YAP1: variants seen among roughly 807,000 people sequenced by gnomAD.
YAP1 encodes the protein transcriptional coactivator YAP1.
In YAP1, 5 loss-of-function variants were observed where a neutral mutation model predicts 56.9. The observed-to-expected ratio is 0.09, with a 90% CI of 0.05 to 0.18. The LOEUF is 0.18. Among genes scored for constraint, YAP1 ranks in the 10% least tolerant of loss-of-function variants. YAP1 has a pLI of 1.00. For missense variants in YAP1, 539 were observed against 651.8 expected (o/e 0.83, Z 1.88); for synonymous variants, 265 against 248.1 (o/e 1.07, Z -0.64).
At chr11:102,155,726 T>C (rs1945900704) in intron 2 of YAP1, among the ~76,000 whole-genome samples, 1 of 152,240 alleles carries the variant, frequency 6.6e-6, no homozygotes, top group African/African-American at 2.4e-5. Context: ...TGTGTTGTAA[T>C]AATATTTTGG....
At position 102,143,672 on chromosome 11, in the gene YAP1, G is replaced by T. The variant is rs140746399; in HGVS notation, c.573-18784G>T. Among the ~76,000 whole-genome samples, 123 of 152,308 alleles carry T rather than the reference G, an allele frequency of 8.1e-4. 1 individual carries two copies. The highest frequency in any genetic ancestry group is 3.4e-3 in the Middle Eastern group (1 of 294). On this transcript the variant is annotated intron_variant, in intron 2 of 8. Transcript: ENST00000282441. ...ACTATTGCTAACAGCAGAACACATA[G>T]TGTAGGCATGAAAGGAAGGCTACAT... is the stretch of plus-strand genomic sequence containing the variant.
At chr11:102,111,355 C>T (rs536886847) in intron 1 of YAP1, among the ~76,000 whole-genome samples, 186 bp downstream of exon 1, 1 of 152,248 alleles carries the variant, frequency 6.6e-6, no homozygotes, top group Admixed American at 6.5e-5. Flanking sequence ...GCTCCCCACT[C>T]CTCCCAGAGT....
chr11:102,168,997 A>G (rs983147026), intron 3 of YAP1, among the ~76,000 whole-genome samples: 2 of 152,186 alleles, frequency 1.3e-5, no homozygotes, highest in Non-Finnish European at 2.9e-5. Context: ...TTAAAGTTTT[A>G]CTTTTCACCT....
At chr11:102,111,306 G>A in intron 1 of YAP1, 137 bp downstream of exon 1, 3 of 960,416 alleles carry the variant, frequency 3.1e-6, no homozygotes, top group Non-Finnish European at 4.4e-6. Context: ...GTCCCGAGGC[G>A]AAGTGGAACT....
At chr11:102,196,563 A>T (rs1053820673) in intron 4 of YAP1, among the ~76,000 whole-genome samples, 2 of 151,854 alleles carry the variant, frequency 1.3e-5, no homozygotes. Flanking sequence ...ACTGGGAGGA[A>T]GGGCAGTAGG....
intron 4 of YAP1, among the ~76,000 whole-genome samples, chr11:102,201,668 T>C (rs1337247273): frequency 1.3e-5 from 2 of 152,154 alleles, no homozygotes; most frequent in Non-Finnish European, 1.5e-5. Flanking sequence ...ACAATACATA[T>C]TAATGTTGTT....
At chr11:102,186,220 C>T (rs781260938) in intron 4 of YAP1, 89 bp downstream of exon 4, 394 of 1,412,102 alleles carry the variant, frequency 2.8e-4, no homozygotes, top group Non-Finnish European at 3.5e-4. Context: ...TAAATAAAAT[C>T]GCATTGCTTT....
At chr11:102,147,238 C>G (rs1237921662) in intron 2 of YAP1, among the ~76,000 whole-genome samples, 1 of 152,140 alleles carries the variant, frequency 6.6e-6, no homozygotes, top group Non-Finnish European at 1.5e-5. Flanking sequence ...TGTGCTTTAG[C>G]TGCATTTTTT....
intron 3 of YAP1, among the ~76,000 whole-genome samples, chr11:102,179,376 G>A (rs769826082): frequency 5.0e-4 from 76 of 152,122 alleles, no homozygotes; most frequent in Non-Finnish European, 9.1e-4. Flanking sequence ...CCAATCTAGA[G>A]GTTGTCATGA....
rs2135737928 is a variant in YAP1 at position 102,232,309 on chromosome 11, C to G, written c.*2369C>G. 1 of 151,544 alleles carries G rather than the reference C, an allele frequency of 6.6e-6. No individual in the cohort carries two copies. The highest frequency in any genetic ancestry group is 1.9e-4 in the East Asian group (1 of 5,148). The allele number at this position is 151,544 out of a possible 1,614,324, so 9.4% of individuals were successfully genotyped here. On this transcript the variant is annotated 3_prime_UTR_variant, in exon 9 of 9. Transcript: ENST00000282441. ...GGGGGTTGTGAAGATTTAGGGGGAC[C>G]TTGATAGAGAACTTTATAAACTTCT...
intron 4 of YAP1, among the ~76,000 whole-genome samples, chr11:102,196,554 C>CT (rs936818111): frequency 5.3e-5 from 8 of 151,242 alleles, no homozygotes; most frequent in Non-Finnish European, 1.0e-4. Flanking sequence ...TTGCCAGGGA[C>CT]TGGGAGGAAG....
intron 2 of YAP1, among the ~76,000 whole-genome samples, chr11:102,160,017 G>A (rs1304630700): frequency 8.3e-6 from 1 of 120,880 alleles, no homozygotes; most frequent in East Asian, 2.6e-4. Flanking sequence ...TTACATAAAG[G>A]ATTTTTTTTT....
At chr11:102,169,524 A>G (rs1416545635) in intron 3 of YAP1, among the ~76,000 whole-genome samples, 1 of 152,230 alleles carries the variant, frequency 6.6e-6, no homozygotes, top group Non-Finnish European at 1.5e-5. Context: ...ACCTAATAGC[A>G]GTGAACTATA....
In YAP1 at chr11:102,186,109, C is replaced by T. The variant is rs534630690; in HGVS notation, c.780C>T (p.Asp260=). Residue 260 remains aspartate (D), a synonymous_variant, in exon 4 of 9, where the codon GAC becomes GAT. Transcript: ENST00000282441. ...NHKNKTTSWL[D]PRLDPRFAMN... ...AGAACAAGACCACCTCTTGGCTAGA[C>T]CCAAGGCTTGACCCTCGTTTTGGTA... The T allele has an allele frequency of 1.9e-6, 3 of 1,612,402 alleles. No homozygotes were observed. Among genetic ancestry groups the T allele is most frequent in the African/African-American group, 1.3e-5 (1 of 74,730 alleles).
chr11:102,142,885 T>G (rs77852632), intron 2 of YAP1, among the ~76,000 whole-genome samples: 2 of 152,208 alleles, frequency 1.3e-5, no homozygotes, highest in African/African-American at 4.8e-5. Context: ...ATATAACATT[T>G]GTTTTATGTC....
intron 1 of YAP1, among the ~76,000 whole-genome samples, chr11:102,111,862 C>T (rs1475490695): frequency 6.6e-6 from 1 of 151,788 alleles, no homozygotes; most frequent in Non-Finnish European, 1.5e-5. Context: ...ATTTATTTTC[C>T]TCGCGGCTCA....
chr11:102,128,507 C>G (rs1344626557), intron 2 of YAP1, among the ~76,000 whole-genome samples: 1 of 152,196 alleles, frequency 6.6e-6, no homozygotes, highest in Admixed American at 6.5e-5. Flanking sequence ...CCAATTAAAC[C>G]TCTTTTTCTT....
At chr11:102,190,594 C>G (rs1948222148) in intron 4 of YAP1, among the ~76,000 whole-genome samples, 1 of 151,486 alleles carries the variant, frequency 6.6e-6, no homozygotes, top group South Asian at 2.1e-4. Context: ...CCACTCTACT[C>G]CAGCCTGGGC....
intron 3 of YAP1, among the ~76,000 whole-genome samples, chr11:102,164,147 C>T (rs760091984): frequency 8.6e-5 from 13 of 151,686 alleles, no homozygotes; most frequent in Non-Finnish European, 1.6e-4. Context: ...AAGTGATTCT[C>T]GCGCCTCAGC....
Sources: gnomAD v4.1 joint callset for allele counts (sites outside exome capture counted in the v4.1 genomes callset) on GRCh38, gnomAD v4.1.1 for gene constraint, MANE v1.5 for transcripts, NCBI Gene and HGNC (gene_info 2026-07-23, HGNC 2026-07-21) for gene names.